ODAD2: variants seen among roughly 807,000 people sequenced by gnomAD.
ODAD2 encodes the protein outer dynein arm-docking complex subunit 2.
A neutral mutation model predicts 106.8 loss-of-function variants in ODAD2; 89 were observed. The ratio of observed to expected loss-of-function variants is 0.83; its 90% CI spans 0.70 to 0.99. The LOEUF (loss-of-function observed/expected upper bound fraction) is 0.99. ODAD2 is among the 50% of genes least tolerant of loss of function. The probability of loss-of-function intolerance (pLI) is 0.00; values close to 1 mark genes in which losing one functional copy is unlikely to be tolerated. For missense variants in ODAD2, 1,168 were observed against 1,238.5 expected (o/e 0.94, Z 0.85); for synonymous variants, 404 against 436.2 (o/e 0.93, Z 0.92).
intron 19 of ODAD2, among the ~76,000 whole-genome samples, chr10:27,851,527 C>T (rs1394291869): frequency 1.3e-5 from 2 of 151,230 alleles, no homozygotes; most frequent in African/African-American, 2.4e-5. Flanking sequence ...AATGAAACGT[C>T]GATAGTATTG....
At chr10:27,890,098 G>T (rs1441109979) in intron 17 of ODAD2, among the ~76,000 whole-genome samples, 1 of 152,176 alleles carries the variant, frequency 6.6e-6, no homozygotes. Flanking sequence ...GATAGATCAT[G>T]GAACAAATGT....
intron 2 of ODAD2, among the ~76,000 whole-genome samples, chr10:27,991,503 A>T (rs1419164123): frequency 1.3e-5 from 2 of 152,216 alleles, no homozygotes; most frequent in East Asian, 1.9e-4. Flanking sequence ...AAAAAGGATG[A>T]TCAAACTTCT....
chr10:27,984,188 G>T lies in ODAD2; in HGVS notation c.678C>A (p.Thr226=). The T allele has an allele frequency of 6.2e-7, 1 of 1,607,176 alleles. No individual in the cohort carries two copies. The highest frequency in any genetic ancestry group is 8.5e-7 in the Non-Finnish European group (1 of 1,174,280). Residue 226 remains threonine (T), a synonymous_variant, in exon 5 of 20, where the codon ACC becomes ACA. Coordinates refer to ENST00000305242, the MANE Select transcript of ODAD2 (RefSeq NM_018076.5). ...GAGCCTGAGAAAACATCAAACCTGA[G>T]GTATATTCAATAGATTCCAAGACTG... ...NQTVLESIEY[T]SDYEFSNGCR... is the part of the protein sequence containing the mutation.
chr10:27,939,412 T>C (rs940001142), intron 14 of ODAD2, among the ~76,000 whole-genome samples: 1 of 152,160 alleles, frequency 6.6e-6, no homozygotes, highest in African/African-American at 2.4e-5. Flanking sequence ...GAAAATCCAA[T>C]GGAGTTCTTG....
chr10:27,952,558 C>T (rs1200622275), intron 10 of ODAD2, among the ~76,000 whole-genome samples: 1 of 152,058 alleles, frequency 6.6e-6, no homozygotes, highest in Non-Finnish European at 1.5e-5. Flanking sequence ...CATCCCCTTT[C>T]CCTGACAGGC....
intron 7 of ODAD2, among the ~76,000 whole-genome samples, chr10:27,980,571 T>C (rs1452315282): frequency 6.6e-6 from 1 of 152,146 alleles, no homozygotes; most frequent in Admixed American, 6.5e-5. Context: ...TATGAAAATA[T>C]GGTCGACATT....
At chr10:27,942,530 G>GT (rs1283942037) in intron 12 of ODAD2, among the ~76,000 whole-genome samples, 1 of 152,116 alleles carries the variant, frequency 6.6e-6, no homozygotes, top group African/African-American at 2.4e-5. Context: ...AAGACTTACT[G>GT]TACTAGGTTC....
At chr10:27,958,631 T>TTC (rs1456402178) in intron 10 of ODAD2, among the ~76,000 whole-genome samples, 3 of 152,206 alleles carry the variant, frequency 2.0e-5, no homozygotes, top group Non-Finnish European at 4.4e-5. Flanking sequence ...CACGAGTCAG[T>TTC]TAAGTCTCCA....
intron 10 of ODAD2, among the ~76,000 whole-genome samples, chr10:27,951,511 G>C (rs912836209): frequency 6.6e-6 from 1 of 151,984 alleles, no homozygotes; most frequent in South Asian, 2.1e-4. Flanking sequence ...AAAGCAGATA[G>C]GCCAATAATC....
chr10:27,816,582 C>T (rs141695606), intron 19 of ODAD2, among the ~76,000 whole-genome samples: 5 of 152,244 alleles, frequency 3.3e-5, no homozygotes, highest in Non-Finnish European at 5.9e-5. Context: ...TGCAGGAAAA[C>T]AGTTTAGGTG....
At chr10:27,993,426 G>A (rs113104262) in intron 2 of ODAD2, among the ~76,000 whole-genome samples, 327 of 152,116 alleles carry the variant, frequency 2.1e-3, no homozygotes, top group African/African-American at 7.5e-3. Context: ...GAGGCAGGCG[G>A]GTTGCCTGAG....
chr10:27,949,416 C>T (rs77230530), intron 10 of ODAD2, among the ~76,000 whole-genome samples: 4,913 of 152,240 alleles, frequency 0.032, 187 homozygotes, highest in East Asian at 0.18. Context: ...TTTGACCTAA[C>T]TTGGAGCATC....
At chr10:27,832,365 C>T (rs1837540769) in intron 19 of ODAD2, among the ~76,000 whole-genome samples, 2 of 152,126 alleles carry the variant, frequency 1.3e-5, no homozygotes, top group South Asian at 4.2e-4. Context: ...ATACCTTTAG[C>T]TTCTTCAATA....
intron 17 of ODAD2, among the ~76,000 whole-genome samples, chr10:27,899,232 A>G (rs999603514): frequency 1.3e-5 from 2 of 151,894 alleles, no homozygotes; most frequent in Admixed American, 1.3e-4. Context: ...CCCCTAGCCA[A>G]GGGAAGGGGG....
At chr10:27,914,579 A>G (rs1844232579) in intron 16 of ODAD2, among the ~76,000 whole-genome samples, 1 of 152,104 alleles carries the variant, frequency 6.6e-6, no homozygotes, top group Non-Finnish European at 1.5e-5. Context: ...ATAAAGGCAG[A>G]ATATATGTTT....
At chr10:27,857,967 G>A (rs943087775) in intron 19 of ODAD2, among the ~76,000 whole-genome samples, 1 of 152,152 alleles carries the variant, frequency 6.6e-6, no homozygotes, top group Admixed American at 6.5e-5. Context: ...CAAAATACTG[G>A]ATAAAATTTA....
At chr10:27,825,721 G>T (rs1836988453) in intron 19 of ODAD2, among the ~76,000 whole-genome samples, 1 of 152,186 alleles carries the variant, frequency 6.6e-6, no homozygotes, top group Admixed American at 6.5e-5. Flanking sequence ...CCATAGCCTG[G>T]ATAAGGTTAT....
chr10:27,814,251 G>C (rs889908103), intron 19 of ODAD2, among the ~76,000 whole-genome samples: 2 of 152,128 alleles, frequency 1.3e-5, no homozygotes, highest in African/African-American at 4.8e-5. Flanking sequence ...GAAGAGGAGG[G>C]GTCAGGCTCC....
chr10:27,908,570 C>G (rs540725452), intron 16 of ODAD2, among the ~76,000 whole-genome samples: 43 of 152,192 alleles, frequency 2.8e-4, no homozygotes, highest in Non-Finnish European at 4.7e-4. Context: ...GTATATTAAA[C>G]TCAAAGCAGA....
Sources: allele counts gnomAD v4.1 joint callset (sites outside exome capture counted in the v4.1 genomes callset), GRCh38; gene constraint gnomAD v4.1.1; transcripts MANE v1.5; gene names NCBI Gene and HGNC (gene_info 2026-07-23, HGNC 2026-07-21).